Variants in FRYL observed in about 807,000 individuals in gnomAD.
The protein encoded by FRYL is FRY like transcription coactivator.
FRYL carries 150 observed loss-of-function variants against 351.2 expected under a neutral mutation model. That is an observed-to-expected ratio of 0.43 (90% confidence interval 0.37 to 0.49). The LOEUF is 0.49. FRYL is among the 20% of genes least tolerant of loss of function. The probability of loss-of-function intolerance (pLI) is 0.00; values close to 1 mark genes in which losing one functional copy is unlikely to be tolerated. For synonymous variants in FRYL, 1,153 were observed against 1,257.1 expected (o/e 0.92, Z 1.75); for missense variants, 3,036 against 3,619.3 (o/e 0.84, Z 4.13).
chr4:48,635,524 T>C (rs1221999112), intron 3 of FRYL, among the ~76,000 whole-genome samples: 1 of 152,178 alleles, frequency 6.6e-6, no homozygotes, highest in Non-Finnish European at 1.5e-5. Flanking sequence ...TTTACTCAGA[T>C]GGAGATGACA....
chr4:48,667,177 T>C (rs139953445), intron 3 of FRYL, among the ~76,000 whole-genome samples: 3 of 152,274 alleles, frequency 2.0e-5, no homozygotes, highest in South Asian at 2.1e-4. Context: ...TACCCCCATA[T>C]GTAGCAGGAT....
chr4:48,562,649 C>G (rs1402276924), intron 32 of FRYL, among the ~76,000 whole-genome samples: 1 of 152,168 alleles, frequency 6.6e-6, no homozygotes, highest in Non-Finnish European at 1.5e-5. Flanking sequence ...CACATACACA[C>G]ACATTATCAT....
chr4:48,650,329 T>TACTTAC (rs1409048859), intron 3 of FRYL, among the ~76,000 whole-genome samples: 4 of 152,132 alleles, frequency 2.6e-5, no homozygotes, highest in African/African-American at 9.7e-5. Flanking sequence ...GTCTGCACAT[T>TACTTAC]TACCAGAGCT....
At chr4:48,557,864 AC>A (rs1220203852) in intron 33 of FRYL, 152 bp from the exon 34 acceptor site, 1 of 745,438 alleles carries the variant, frequency 1.3e-6, no homozygotes, top group African/African-American at 1.8e-5. Flanking sequence ...AGCAAATTTC[AC>A]CTCAACGACA....
chr4:48,652,177 A>G (rs1432560754), intron 3 of FRYL, among the ~76,000 whole-genome samples: 1 of 152,248 alleles, frequency 6.6e-6, no homozygotes, highest in African/African-American at 2.4e-5. Flanking sequence ...AAATGGCCAT[A>G]AAACAGGATA....
chr4:48,712,840 T>C lies in FRYL; in HGVS notation c.-383-2142A>G, dbSNP rs528019394. On this transcript the variant is annotated intron_variant, in intron 1 of 63. Transcript: ENST00000358350. ...AGGGCAGCCAGAGACAAAGGTCGGG[T>C]TACCCACAAAGGGAAGCCCATCAGA... Among the ~76,000 whole-genome samples the C allele has an allele frequency of 3.9e-5, 6 of 152,154 alleles. No homozygotes were observed. In the East Asian group the frequency reaches 1.2e-3, roughly 29 times the overall value.
intron 2 of FRYL, among the ~76,000 whole-genome samples, chr4:48,697,737 G>C (rs556232604): frequency 4.6e-5 from 7 of 152,038 alleles, no homozygotes; most frequent in African/African-American, 1.7e-4. Flanking sequence ...CATGGGCCTC[G>C]CATGAGCCAC....
Position 48,589,804 on chromosome 4 carries a change from C to T in FRYL, c.1581G>A (p.Gly527=). The stretch of plus-strand genomic sequence containing the variant: ...GCACACTGGTCATACACATTGGTCT[C>T]CCAACTTCTTTGTCCAAATGTCTGA... ...SILRHLDKEV[G]RPMCMTSVQM... Residue 527 remains glycine, a synonymous_variant, in exon 18 of 64, where the codon GGG becomes GGA. Transcript: ENST00000358350. 6.2e-7 allele frequency: 1 copy of T among 1,613,792 alleles called. No individual in the cohort carries two copies. Among genetic ancestry groups the T allele is most frequent in the Non-Finnish European group, 8.5e-7 (1 of 1,179,740 alleles).
intron 1 of FRYL, among the ~76,000 whole-genome samples, chr4:48,779,715 GGCGCGCGAGGGGTACCCGGGC>G (rs1471297218): frequency 6.6e-6 from 1 of 151,888 alleles, no homozygotes; most frequent in Non-Finnish European, 1.5e-5. Context: ...GCGAGAAGGC[GGCGCGCGAGGGGTACCCGGGC>G]GCGCGCGAGA....
chr4:48,766,622 G>A (rs1774977329), intron 1 of FRYL, among the ~76,000 whole-genome samples: 1 of 152,142 alleles, frequency 6.6e-6, no homozygotes, highest in Admixed American at 6.5e-5. Flanking sequence ...GGAACCGAGA[G>A]CAGACTCACA....
intron 11 of FRYL, among the ~76,000 whole-genome samples, chr4:48,605,386 A>G (rs1746564699): frequency 1.3e-5 from 2 of 152,234 alleles, no homozygotes; most frequent in African/African-American, 2.4e-5. Context: ...TAAAAATGAA[A>G]GCCAAAACAG....
intron 1 of FRYL, among the ~76,000 whole-genome samples, chr4:48,775,013 G>A (rs1775867646): frequency 6.6e-6 from 1 of 152,154 alleles, no homozygotes; most frequent in Non-Finnish European, 1.5e-5. Flanking sequence ...TCTTTGAAAT[G>A]CACGATACCT....
chr4:48,662,999 T>C (rs1338673085), intron 3 of FRYL, among the ~76,000 whole-genome samples: 2 of 151,980 alleles, frequency 1.3e-5, no homozygotes, highest in African/African-American at 4.8e-5. Flanking sequence ...GGAAAGAAAA[T>C]CATGCAAGAT....
At chr4:48,528,385 A>ATATTTG (rs1726747248) in intron 50 of FRYL, 49 bp from the exon 51 acceptor site, 1 of 1,500,788 alleles carries the variant, frequency 6.7e-7, no homozygotes, top group African/African-American at 1.4e-5. Flanking sequence ...TTCAACATAA[A>ATATTTG]AGAAACTTAA....
At chr4:48,557,378 T>C in intron 34 of FRYL, 75 bp downstream of exon 34, 1 of 1,550,108 alleles carries the variant, frequency 6.5e-7, no homozygotes, top group Non-Finnish European at 8.8e-7. Context: ...TTATGGAACC[T>C]CTTCATCTGT....
chr4:48,516,323 G>C (rs567176476), intron 55 of FRYL, among the ~76,000 whole-genome samples: 17 of 152,176 alleles, frequency 1.1e-4, no homozygotes, highest in Non-Finnish European at 2.1e-4. Flanking sequence ...CTATGTGATA[G>C]ACAAGTGGTA....
At chr4:48,568,590 TTA>T (rs963927605) in intron 27 of FRYL, among the ~76,000 whole-genome samples, 5 of 152,132 alleles carry the variant, frequency 3.3e-5, no homozygotes, top group Admixed American at 6.5e-5. Flanking sequence ...TTTTTACTAG[TTA>T]TGAGTAACTT....
chr4:48,573,102 C>T (rs1204951099), intron 26 of FRYL, 84 bp downstream of exon 26: 12 of 1,013,656 alleles, frequency 1.2e-5, no homozygotes, highest in Non-Finnish European at 1.7e-5. Context: ...AGATAGTCTT[C>T]GTAATTTCTA....
intron 35 of FRYL, among the ~76,000 whole-genome samples, chr4:48,555,417 G>C (rs1733857750): frequency 6.6e-6 from 1 of 152,198 alleles, no homozygotes; most frequent in South Asian, 2.1e-4. Flanking sequence ...ATGATTAAGT[G>C]CCAGAAAGAT....
Sources: gnomAD v4.1 joint callset for allele counts (sites outside exome capture counted in the v4.1 genomes callset) on GRCh38, gnomAD v4.1.1 for gene constraint, MANE v1.5 for transcripts, NCBI Gene and HGNC (gene_info 2026-07-23, HGNC 2026-07-21) for gene names.